Variants in CACNA2D1 observed in about 807,000 individuals in gnomAD.
CACNA2D1 encodes calcium voltage-gated channel auxiliary subunit alpha2delta 1, also known as voltage-dependent calcium channel subunit alpha-2/delta-1.
CACNA2D1 carries 53 observed loss-of-function variants against 171.5 expected under a neutral mutation model. The observed-to-expected ratio is 0.31, with a 90% CI of 0.25 to 0.39. CACNA2D1 has a LOEUF of 0.39. Among genes scored for constraint, CACNA2D1 ranks in the 10% least tolerant of loss-of-function variants. The probability of loss-of-function intolerance (pLI) is 1.00; values close to 1 mark genes in which losing one functional copy is unlikely to be tolerated. For synonymous variants in CACNA2D1, 442 were observed against 443.1 expected (o/e 1.00, Z 0.03); for missense variants, 903 against 1,299.8 (o/e 0.69, Z 4.69).
chr7:82,038,998 G>A (rs1584504412), intron 10 of CACNA2D1, among the ~76,000 whole-genome samples: 1 of 152,278 alleles, frequency 6.6e-6, no homozygotes, highest in South Asian at 2.1e-4. Flanking sequence ...AGAACAATAG[G>A]AATGCTGCAA....
chr7:82,298,927 G>T (rs1812633240), intron 3 of CACNA2D1, among the ~76,000 whole-genome samples: 1 of 151,904 alleles, frequency 6.6e-6, no homozygotes, highest in Admixed American at 6.6e-5. Flanking sequence ...GCCGGGCGTG[G>T]TGGCGGGTGC....
Position 82,066,541 on chromosome 7 carries a change from A to G in CACNA2D1, c.659-17T>C, listed in dbSNP as rs201932919. On this transcript the variant is annotated splice_polypyrimidine_tract_variant and intron_variant, in intron 7 of 38. Coordinates refer to ENST00000356860, the MANE Select transcript of CACNA2D1 (RefSeq NM_000722.4). ...ATGGTGAAGCTAAAAAAAAAAAAAA[A>G]AGAGAGATATTAAATCAAAATATTA... 4,199 of 1,563,656 alleles carry G rather than the reference A, an allele frequency of 2.7e-3. 42 individuals carry two copies. The highest frequency in any genetic ancestry group is 0.015 in the East Asian group (672 of 44,082).
intron 7 of CACNA2D1, 74 bp downstream of exon 7, chr7:82,084,695 A>G (rs989057985): frequency 6.7e-7 from 1 of 1,492,510 alleles, no homozygotes; most frequent in Non-Finnish European, 9.4e-7. Context: ...TTACAGTATC[A>G]GGGAAGATAA....
chr7:82,041,157 T>G (rs1261120499), intron 10 of CACNA2D1, among the ~76,000 whole-genome samples: 2 of 152,002 alleles, frequency 1.3e-5, no homozygotes, highest in Non-Finnish European at 2.9e-5. Context: ...GGGTGGCATC[T>G]GTAGGGTAGA....
rs1760340051 is a variant in CACNA2D1, at chr7:82,128,061, C to A, written c.396+8574G>T. Among the ~76,000 whole-genome samples the A allele has an allele frequency of 1.3e-5, 2 of 151,802 alleles. 1 individual carries two copies. The highest frequency in any genetic ancestry group is 4.2e-4 in the South Asian group (2 of 4,814). On this transcript the variant is annotated intron_variant, in intron 5 of 38. Transcript: ENST00000356860. Reference sequence around the variant, plus strand: ...ACCTCAGCCTCCCAAGTAGCTGGGACTACAGGTGCACCCCACCATGCCCAG... The same window carrying A: ...ACCTCAGCCTCCCAAGTAGCTGGGAATACAGGTGCACCCCACCATGCCCAG...
intron 20 of CACNA2D1, 37 bp from the exon 21 acceptor site, chr7:81,991,283 A>C: frequency 9.8e-7 from 1 of 1,018,300 alleles, no homozygotes; most frequent in Non-Finnish European, 1.6e-6. Flanking sequence ...ATCACTTTAC[A>C]TTTTGTATGA....
intron 3 of CACNA2D1, among the ~76,000 whole-genome samples, chr7:82,249,628 C>G (rs1438456111): frequency 1.3e-5 from 2 of 152,208 alleles, no homozygotes; most frequent in Admixed American, 6.5e-5. Context: ...TCATCCTTTT[C>G]ATCCGTCCAG....
At chr7:82,249,151 T>C (rs1805326904) in intron 3 of CACNA2D1, among the ~76,000 whole-genome samples, 1 of 150,684 alleles carries the variant, frequency 6.6e-6, no homozygotes. Flanking sequence ...AAATTCAACA[T>C]AGATGTTTTC....
At chr7:81,982,901 A>T (rs1796584927) in intron 23 of CACNA2D1, 1 of 542,706 alleles carries the variant, frequency 1.8e-6, no homozygotes. Context: ...ACCCTACTAT[A>T]ACCGAATATC....
intron 32 of CACNA2D1, among the ~76,000 whole-genome samples, chr7:81,965,200 T>C (rs1794594303): frequency 6.6e-6 from 1 of 151,982 alleles, no homozygotes; most frequent in Non-Finnish European, 1.5e-5. Context: ...ACTTCAAATT[T>C]GTTAAAAATA....
chr7:82,010,249 A>T (rs1799621230), intron 15 of CACNA2D1, among the ~76,000 whole-genome samples: 1 of 152,040 alleles, frequency 6.6e-6, no homozygotes, highest in African/African-American at 2.4e-5. Flanking sequence ...ACCAACATAT[A>T]TTTTTAATCT....
intron 5 of CACNA2D1, among the ~76,000 whole-genome samples, chr7:82,130,374 C>CA (rs1790813756): frequency 6.6e-6 from 1 of 151,128 alleles, no homozygotes; most frequent in Non-Finnish European, 1.5e-5. Context: ...TATTAAACAT[C>CA]AAAAAAAGAG....
At chr7:81,961,739 T>C (rs543098646) in intron 36 of CACNA2D1, among the ~76,000 whole-genome samples, 155 bp downstream of exon 36, 1 of 152,142 alleles carries the variant, frequency 6.6e-6, no homozygotes, top group South Asian at 2.1e-4. Context: ...ATTGCTGACA[T>C]TTTCAGCTTA....
chr7:82,286,116 C>T (rs1369299358), intron 3 of CACNA2D1, among the ~76,000 whole-genome samples: 2 of 152,108 alleles, frequency 1.3e-5, no homozygotes, highest in Non-Finnish European at 2.9e-5. Context: ...CCTTCTCTCC[C>T]ATATCTGCTT....
intron 4 of CACNA2D1, among the ~76,000 whole-genome samples, chr7:82,149,284 T>G (rs991274247): frequency 6.6e-6 from 1 of 152,154 alleles, no homozygotes; most frequent in African/African-American, 2.4e-5. Context: ...GTTCACTGAC[T>G]GGTTTTTAAC....
chr7:82,134,021 C>T (rs1202641925), intron 5 of CACNA2D1, among the ~76,000 whole-genome samples: 3 of 151,534 alleles, frequency 2.0e-5, no homozygotes, highest in African/African-American at 4.9e-5. Flanking sequence ...TGCAGTGAAC[C>T]GAGATCGCAC....
chr7:82,388,372 G>C (rs1355666522), intron 1 of CACNA2D1, among the ~76,000 whole-genome samples: 3 of 152,196 alleles, frequency 2.0e-5, no homozygotes, highest in Non-Finnish European at 4.4e-5. Context: ...ATAAAATCCA[G>C]ATGTTTTGAC....
chr7:82,060,195 TATATA>T (rs1806581706), intron 10 of CACNA2D1, among the ~76,000 whole-genome samples: 1 of 10,710 alleles, frequency 9.3e-5, no homozygotes, highest in Non-Finnish European at 2.6e-4. Context: ...ATATATTATA[TATATA>T]TTATATATAT....
chr7:82,328,456 T>C (rs1366876478), intron 3 of CACNA2D1, among the ~76,000 whole-genome samples: 7 of 152,156 alleles, frequency 4.6e-5, no homozygotes, highest in Admixed American at 4.6e-4. Context: ...TAGACTCCTT[T>C]CACCTTTTCT....
Sources: allele counts gnomAD v4.1 joint callset (sites outside exome capture counted in the v4.1 genomes callset), GRCh38; gene constraint gnomAD v4.1.1; transcripts MANE v1.5; gene names NCBI Gene and HGNC (gene_info 2026-07-23, HGNC 2026-07-21).